CEACAM21: variants seen among roughly 807,000 people sequenced by gnomAD.
The protein encoded by CEACAM21 is CEA cell adhesion molecule 21.
Under a neutral mutation model 33.2 loss-of-function variants are expected in CEACAM21, and 38 were observed. That is an observed-to-expected ratio of 1.14 (90% CI 0.88 to 1.50). The LOEUF is 1.50. CEACAM21 is among the 40% of genes most tolerant of loss of function. The probability of loss-of-function intolerance (pLI) is 0.00; values close to 1 mark genes in which losing one functional copy is unlikely to be tolerated. For missense variants in CEACAM21, 385 were observed against 364.6 expected (o/e 1.06, Z -0.46); for synonymous variants, 156 against 143.0 (o/e 1.09, Z -0.65).
intron 1 of CEACAM21, among the ~76,000 whole-genome samples, chr19:41,554,426 C>T (rs2122159135): frequency 6.6e-6 from 1 of 152,076 alleles, no homozygotes; most frequent in African/African-American, 2.4e-5. Context: ...TTTAACATGA[C>T]AATTATAATT....
Position 41,576,342 on chromosome 19 carries a change from A to AG in CEACAM21, c.64+8dup, listed in dbSNP as rs782666776. 450 of 1,608,628 alleles carry AG rather than the reference A, an allele frequency of 2.8e-4. No individual in the cohort carries two copies. Among genetic ancestry groups the AG allele is most frequent in the Non-Finnish European group, 3.7e-4 (436 of 1,177,212 alleles). On this transcript the variant is annotated splice_donor_region_variant and intron_variant, in intron 1 of 6. Transcript: ENST00000401445. ...TGGCAGGGGCTCTTGCTCACAGGTGAGGGGAGGACTCCCTGGGAGTGGGTG... is the reference window on the plus strand; with the variant it reads ...TGGCAGGGGCTCTTGCTCACAGGTGAGGGGGAGGACTCCCTGGGAGTGGGTG...
intron 2 of CEACAM21, among the ~76,000 whole-genome samples, chr19:41,568,660 C>T (rs2042414683): frequency 6.6e-6 from 1 of 152,130 alleles, no homozygotes. Context: ...TGTTTTTATG[C>T]CAGGACCATG....
intron 6 of CEACAM21, chr19:41,586,097 T>C (rs782774237): frequency 4.9e-6 from 3 of 609,584 alleles, no homozygotes; most frequent in Non-Finnish European, 8.8e-6. Context: ...AGCCCTGGAA[T>C]TCCTACACAG....
chr19:41,582,009 T>A (rs2043430243), intron 3 of CEACAM21, among the ~76,000 whole-genome samples: 1 of 152,184 alleles, frequency 6.6e-6, no homozygotes, highest in Non-Finnish European at 1.5e-5. Flanking sequence ...ACAAGGCAAG[T>A]CCCTTCCACC....
chr19:41,586,359 CA>C, intron 6 of CEACAM21, 104 bp from the exon 7 acceptor site: 1 of 609,072 alleles, frequency 1.6e-6, no homozygotes, highest in Non-Finnish European at 3.1e-6. Flanking sequence ...CCCCTGAGCA[CA>C]GCCAGGTTCA....
At chr19:41,555,876 T>C (rs2041495587) in intron 1 of CEACAM21, among the ~76,000 whole-genome samples, 1 of 152,208 alleles carries the variant, frequency 6.6e-6, no homozygotes, top group African/African-American at 2.4e-5. Context: ...GCAACGGCTC[T>C]CAGCCATCTC....
rs918554177 is a variant in CEACAM21, at chr19:41,580,912, C to A, written c.700+1284C>A. On this transcript the variant is annotated intron_variant, in intron 3 of 6. Coordinates refer to ENST00000401445, the MANE Select transcript of CEACAM21 (RefSeq NM_001098506.4). ...CTCTAATCCTACCTGGGTCAGTGAC[C>A]AGCCTCATTCTGAAGTTGCCTAGGG... Among the ~76,000 whole-genome samples, 5 of 152,280 alleles carry A rather than the reference C, an allele frequency of 3.3e-5. No homozygotes were observed. In the South Asian group the frequency reaches 1.0e-3, roughly 32 times the overall value.
intron 1 of CEACAM21, among the ~76,000 whole-genome samples, chr19:41,564,384 T>C (rs2042119372): frequency 6.6e-6 from 1 of 151,520 alleles, no homozygotes; most frequent in Admixed American, 6.6e-5. Context: ...GCCCTCCTGC[T>C]CCTCGGGAGG....
intron 2 of CEACAM21, among the ~76,000 whole-genome samples, chr19:41,567,318 T>G (rs1263149995): frequency 6.6e-6 from 1 of 152,174 alleles, no homozygotes; most frequent in African/African-American, 2.4e-5. Flanking sequence ...TTAAGGCTAT[T>G]TAAGGTAGTT....
At chr19:41,556,101 T>C (rs2041507037) in intron 1 of CEACAM21, among the ~76,000 whole-genome samples, 1 of 152,252 alleles carries the variant, frequency 6.6e-6, no homozygotes, top group Admixed American at 6.5e-5. Flanking sequence ...TGGGATCTTT[T>C]TGTGTATTTC....
intron 1 of CEACAM21, chr19:41,551,350 G>A (rs978867849): frequency 6.6e-6 from 1 of 152,092 alleles, no homozygotes; most frequent in African/African-American, 2.4e-5. Flanking sequence ...GTAGAGTCGA[G>A]GTTTCACCAT....
chr19:41,582,452 G>T (rs2043474874), intron 3 of CEACAM21, among the ~76,000 whole-genome samples: 1 of 152,202 alleles, frequency 6.6e-6, no homozygotes, highest in Admixed American at 6.5e-5. Flanking sequence ...CTCTGTGTCG[G>T]GGTTCCAACC....
intron 1 of CEACAM21, among the ~76,000 whole-genome samples, chr19:41,550,925 C>T (rs1313135292): frequency 6.6e-6 from 1 of 151,988 alleles, no homozygotes; most frequent in African/African-American, 2.4e-5. Flanking sequence ...GACTGAGCAT[C>T]ATGAAAAAAA....
intron 1 of CEACAM21, among the ~76,000 whole-genome samples, chr19:41,563,618 C>G (rs1397103041): frequency 1.3e-5 from 2 of 152,234 alleles, no homozygotes; most frequent in Non-Finnish European, 2.9e-5. Flanking sequence ...ACGGAAAATT[C>G]CGCGTGAAAG....
At chr19:41,583,009 C>T (rs1345537969) in intron 3 of CEACAM21, among the ~76,000 whole-genome samples, 2 of 152,204 alleles carry the variant, frequency 1.3e-5, no homozygotes, top group African/African-American at 4.8e-5. Context: ...GCTCTGCTTC[C>T]CTTTTAAACA....
At chr19:41,563,108 AT>A (rs2042003196) in intron 1 of CEACAM21, among the ~76,000 whole-genome samples, 4 of 152,208 alleles carry the variant, frequency 2.6e-5, no homozygotes, top group African/African-American at 9.7e-5. Flanking sequence ...GTTGAAAATA[AT>A]AACAGTAAGA....
At chr19:41,572,216 C>T (rs921660858), upstream of CEACAM21, among the ~76,000 whole-genome samples, 28 of 152,266 alleles carry the variant, frequency 1.8e-4, 1 homozygote, top group Middle Eastern at 0.017. Flanking sequence ...ACCTAAATCA[C>T]TTATTTTTTT....
intron 3 of CEACAM21, among the ~76,000 whole-genome samples, chr19:41,581,559 T>G (rs2043388474): frequency 6.6e-6 from 1 of 152,208 alleles, no homozygotes; most frequent in Non-Finnish European, 1.5e-5. Context: ...GATAAAGACA[T>G]ACCTGAGACT....
intron 2 of CEACAM21, among the ~76,000 whole-genome samples, chr19:41,578,371 T>C (rs1347875109): frequency 6.6e-6 from 1 of 151,962 alleles, no homozygotes; most frequent in Non-Finnish European, 1.5e-5. Context: ...GTGCCAAGCT[T>C]TAGGTCAGGT....
Sources: allele counts gnomAD v4.1 joint callset (sites outside exome capture counted in the v4.1 genomes callset), GRCh38; gene constraint gnomAD v4.1.1; transcripts MANE v1.5; gene names NCBI Gene and HGNC (gene_info 2026-07-23, HGNC 2026-07-21).